The following DGKI variants were observed in gnomAD, a reference collection of about 807,000 sequenced individuals.
The protein encoded by DGKI is diacylglycerol kinase iota.
Under a neutral mutation model 147.5 loss-of-function variants are expected in DGKI, and 55 were observed. The observed-to-expected ratio is 0.37, with a 90% CI of 0.30 to 0.47. The LOEUF (loss-of-function observed/expected upper bound fraction) is 0.47. DGKI is among the 20% of genes least tolerant of loss of function. DGKI has a pLI of 1.00. For synonymous variants in DGKI, 469 were observed against 477.1 expected (o/e 0.98, Z 0.22); for missense variants, 1,007 against 1,323.8 (o/e 0.76, Z 3.71).
At chr7:137,776,426 A>T (rs1250164485) in intron 1 of DGKI, among the ~76,000 whole-genome samples, 11 of 152,262 alleles carry the variant, frequency 7.2e-5, no homozygotes, top group Admixed American at 6.5e-4. Flanking sequence ...TAGAGAATAG[A>T]ACATATTTTT....
intron 1 of DGKI, among the ~76,000 whole-genome samples, chr7:137,775,551 C>T (rs897017844): frequency 2.0e-5 from 3 of 152,166 alleles, no homozygotes; most frequent in African/African-American, 4.8e-5. Context: ...ATATGTATGT[C>T]GGTGCATGTG....
At chr7:137,657,139 A>G (rs1822254623) in intron 3 of DGKI, among the ~76,000 whole-genome samples, 1 of 152,244 alleles carries the variant, frequency 6.6e-6, no homozygotes, top group Non-Finnish European at 1.5e-5. Flanking sequence ...AAACAATAAT[A>G]AGAATAGCAA....
intron 18 of DGKI, 33 bp from the exon 19 acceptor site, chr7:137,571,319 T>C (rs575001534): frequency 6.9e-7 from 1 of 1,454,740 alleles, no homozygotes; most frequent in African/African-American, 1.4e-5. Flanking sequence ...GAAGTAAATA[T>C]GTCCCATCCT....
chr7:137,404,139 A>G (rs1414000290), intron 30 of DGKI, among the ~76,000 whole-genome samples: 3 of 152,214 alleles, frequency 2.0e-5, no homozygotes, highest in East Asian at 3.8e-4. Flanking sequence ...CAAGAACACT[A>G]TAATTTAAAG....
chr7:137,600,473 T>G (rs762009568), intron 10 of DGKI, among the ~76,000 whole-genome samples: 3 of 152,158 alleles, frequency 2.0e-5, no homozygotes, highest in Admixed American at 6.5e-5. Flanking sequence ...AATACCCAGT[T>G]TGCAGACTTG....
intron 1 of DGKI, among the ~76,000 whole-genome samples, chr7:137,729,760 CTCTG>C (rs532142336): frequency 1.3e-5 from 2 of 152,046 alleles, no homozygotes; most frequent in Admixed American, 1.3e-4. Flanking sequence ...CTGTATCTTA[CTCTG>C]TCTTTTTCTT....
intron 1 of DGKI, among the ~76,000 whole-genome samples, chr7:137,782,384 G>A (rs199822701): frequency 1.3e-5 from 2 of 152,012 alleles, no homozygotes; most frequent in South Asian, 2.1e-4. Flanking sequence ...AATCCCCCTG[G>A]GAACATAACT....
At chr7:137,394,972 C>T (rs916776337) in intron 32 of DGKI, among the ~76,000 whole-genome samples, 3 of 152,138 alleles carry the variant, frequency 2.0e-5, no homozygotes. Flanking sequence ...AGGCTTTTAG[C>T]TCCTATACCT....
chr7:137,559,261 C>T (rs1321226682), intron 19 of DGKI, among the ~76,000 whole-genome samples: 2 of 150,750 alleles, frequency 1.3e-5, no homozygotes, highest in Non-Finnish European at 3.0e-5. Context: ...TTAGTAGAGA[C>T]GGGGTTTCAC....
intron 20 of DGKI, among the ~76,000 whole-genome samples, chr7:137,548,219 A>G (rs1001775659): frequency 4.3e-4 from 66 of 152,236 alleles, no homozygotes; most frequent in African/African-American, 1.6e-3. Flanking sequence ...CTTTACTGGT[A>G]GAGAAGATAG....
chr7:137,769,214 G>A (rs1425866095), intron 1 of DGKI, among the ~76,000 whole-genome samples: 7 of 152,276 alleles, frequency 4.6e-5, no homozygotes, highest in East Asian at 1.9e-4. Context: ...TGTTAGACCC[G>A]GTAGATGAAC....
intron 23 of DGKI, among the ~76,000 whole-genome samples, chr7:137,484,886 GA>G (rs1201071049): frequency 2.0e-5 from 3 of 151,862 alleles, no homozygotes; most frequent in Non-Finnish European, 2.9e-5. Context: ...GGAGATGATG[GA>G]AAAAAACATA....
At chr7:137,780,621 CT>C (rs1453122476) in intron 1 of DGKI, among the ~76,000 whole-genome samples, 3 of 152,168 alleles carry the variant, frequency 2.0e-5, no homozygotes, top group African/African-American at 7.2e-5. Context: ...AACAAAATTC[CT>C]TCTGCAACTA....
intron 6 of DGKI, among the ~76,000 whole-genome samples, chr7:137,642,316 G>A (rs1211900791): frequency 6.6e-6 from 1 of 152,116 alleles, no homozygotes; most frequent in Non-Finnish European, 1.5e-5. Context: ...GGTCACCACA[G>A]GCTGGCTGAG....
chr7:137,683,167 C>T (rs1310458980), intron 2 of DGKI, among the ~76,000 whole-genome samples: 1 of 151,950 alleles, frequency 6.6e-6, no homozygotes, highest in African/African-American at 2.4e-5. Context: ...ACACCCTCTC[C>T]GATTTATTTA....
At chr7:137,751,994 G>A (rs975838321) in intron 1 of DGKI, among the ~76,000 whole-genome samples, 1 of 152,074 alleles carries the variant, frequency 6.6e-6, no homozygotes, top group Non-Finnish European at 1.5e-5. Flanking sequence ...TGTATTTAAC[G>A]CAATGTACAT....
At chr7:137,675,280 T>A (rs1822991332) in intron 3 of DGKI, among the ~76,000 whole-genome samples, 1 of 140,012 alleles carries the variant, frequency 7.1e-6, no homozygotes, top group African/African-American at 3.3e-5. Flanking sequence ...AGGCACCTTG[T>A]TCGCTTGCTG....
intron 28 of DGKI, among the ~76,000 whole-genome samples, chr7:137,413,534 A>G (rs537274835): frequency 1.3e-5 from 2 of 152,130 alleles, no homozygotes; most frequent in African/African-American, 4.8e-5. Flanking sequence ...AAGATGCAAT[A>G]TTTGGTTTTC....
At chr7:137,504,088 A>G (rs1816282309) in intron 21 of DGKI, among the ~76,000 whole-genome samples, 1 of 152,192 alleles carries the variant, frequency 6.6e-6, no homozygotes, top group Admixed American at 6.6e-5. Context: ...TAAGAGCCAA[A>G]GCAGAAAGAG....
Sources: allele counts gnomAD v4.1 joint callset (sites outside exome capture counted in the v4.1 genomes callset), GRCh38; gene constraint gnomAD v4.1.1; transcripts MANE v1.5; gene names NCBI Gene and HGNC (gene_info 2026-07-23, HGNC 2026-07-21).